SORCS1: variants seen among roughly 807,000 people sequenced by gnomAD.
SORCS1 encodes VPS10 domain-containing receptor SorCS1.
Under a neutral mutation model 146.1 loss-of-function variants are expected in SORCS1, and 60 were observed. The ratio of observed to expected loss-of-function variants is 0.41; its 90% CI spans 0.33 to 0.51. SORCS1 has a LOEUF of 0.51. Ranked by LOEUF, SORCS1 falls within the 20% of genes least tolerant of loss-of-function variation. The probability of loss-of-function intolerance (pLI) is 0.21; values close to 1 mark genes in which losing one functional copy is unlikely to be tolerated. For synonymous variants in SORCS1, 637 were observed against 584.0 expected (o/e 1.09, Z -1.31); for missense variants, 1,352 against 1,487.6 (o/e 0.91, Z 1.50).
chr10:106,802,380 G>A (rs1260385021), intron 3 of SORCS1, among the ~76,000 whole-genome samples: 1 of 152,156 alleles, frequency 6.6e-6, no homozygotes, highest in Non-Finnish European at 1.5e-5. Context: ...CACCCAGGCT[G>A]GAGTGCAGTG....
chr10:107,110,024 T>C (rs1965586744), intron 1 of SORCS1, among the ~76,000 whole-genome samples: 1 of 152,164 alleles, frequency 6.6e-6, no homozygotes, highest in Non-Finnish European at 1.5e-5. Flanking sequence ...GTTCAGTTTC[T>C]TTGCTTCAGT....
intron 13 of SORCS1, 91 bp downstream of exon 13, chr10:106,677,222 A>T (rs1367276657): frequency 1.5e-5 from 18 of 1,224,326 alleles, no homozygotes; most frequent in Non-Finnish European, 2.1e-5. Flanking sequence ...TTACTACAGA[A>T]ACAGACACGG....
chr10:106,971,354 TC>T, intron 1 of SORCS1, among the ~76,000 whole-genome samples: 1 of 152,192 alleles, frequency 6.6e-6, no homozygotes. Context: ...TATTTGTGGA[TC>T]GTCTGACTGA....
intron 1 of SORCS1, among the ~76,000 whole-genome samples, chr10:107,031,319 A>AT (rs60052529): frequency 0.12 from 18,311 of 151,430 alleles, 3,442 homozygotes; most frequent in African/African-American, 0.4. Context: ...CCCTTGCCAG[A>AT]TTTTTTTTTC....
intron 1 of SORCS1, among the ~76,000 whole-genome samples, chr10:106,971,783 T>G (rs113274859): frequency 1.8e-4 from 28 of 152,368 alleles, no homozygotes; most frequent in African/African-American, 6.5e-4. Context: ...TCTGTCAGTT[T>G]CTTCTATCTA....
chr10:106,631,965 G>A (rs1487849032), intron 18 of SORCS1, among the ~76,000 whole-genome samples: 1 of 152,130 alleles, frequency 6.6e-6, no homozygotes, highest in Non-Finnish European at 1.5e-5. Flanking sequence ...TGCTCTCTGT[G>A]TATATAATGG....
chr10:106,608,261 G>T (rs942096560), intron 22 of SORCS1, among the ~76,000 whole-genome samples: 4 of 152,196 alleles, frequency 2.6e-5, no homozygotes, highest in Admixed American at 2.0e-4. Flanking sequence ...TTACGCTTTT[G>T]CCAAATGGGA....
chr10:107,028,712 A>G (rs921757405), intron 1 of SORCS1, among the ~76,000 whole-genome samples: 24 of 152,314 alleles, frequency 1.6e-4, no homozygotes, highest in Non-Finnish European at 1.0e-4. Flanking sequence ...CCAACCATGG[A>G]AACAGTGTTT....
chr10:107,168,967 T>C (rs1283124232), upstream of SORCS1, among the ~76,000 whole-genome samples: 3 of 152,186 alleles, frequency 2.0e-5, no homozygotes, highest in African/African-American at 7.2e-5. Context: ...TGTGCACTTT[T>C]TTTAGGCTGA....
At chr10:106,769,484 C>CAA (rs61628916) in intron 4 of SORCS1, among the ~76,000 whole-genome samples, 911 of 84,316 alleles carry the variant, frequency 0.011, 19 homozygotes, top group African/African-American at 0.04. Flanking sequence ...GACTCCGTCT[C>CAA]AAAAAAAAAA....
At chr10:107,049,160 G>T (rs1195094206) in intron 1 of SORCS1, among the ~76,000 whole-genome samples, 2 of 149,848 alleles carry the variant, frequency 1.3e-5, no homozygotes, top group African/African-American at 2.5e-5. Context: ...GTAAACTATC[G>T]CAAGGACAAA....
At chr10:107,130,640 A>T (rs922702820) in intron 1 of SORCS1, among the ~76,000 whole-genome samples, 1 of 152,128 alleles carries the variant, frequency 6.6e-6, no homozygotes, top group Non-Finnish European at 1.5e-5. Context: ...TTAGAATCTA[A>T]CATCTTTTGT....
intron 18 of SORCS1, among the ~76,000 whole-genome samples, chr10:106,639,953 G>T (rs1848961966): frequency 6.6e-6 from 1 of 152,036 alleles, no homozygotes; most frequent in Non-Finnish European, 1.5e-5. Flanking sequence ...AGGAGGTGGA[G>T]GTCGCAGTGA....
At chr10:106,852,453 C>A (rs12267954) in intron 2 of SORCS1, among the ~76,000 whole-genome samples, 1 of 151,718 alleles carries the variant, frequency 6.6e-6, no homozygotes, top group Non-Finnish European at 1.5e-5. Context: ...CATGGTGAAA[C>A]CCTGTCTCTA....
chr10:107,039,868 G>C (rs1325800906), intron 1 of SORCS1, among the ~76,000 whole-genome samples: 1 of 152,130 alleles, frequency 6.6e-6, no homozygotes, highest in Non-Finnish European at 1.5e-5. Context: ...TCAACACTTT[G>C]GGAGGCTGAA....
chr10:107,093,349 C>T (rs1590119560), intron 1 of SORCS1, among the ~76,000 whole-genome samples: 1 of 152,198 alleles, frequency 6.6e-6, no homozygotes, highest in Non-Finnish European at 1.5e-5. Flanking sequence ...CTCCCCTTCA[C>T]TCTATTCTCA....
At chr10:107,074,227 C>T (rs1962688463) in intron 1 of SORCS1, among the ~76,000 whole-genome samples, 1 of 152,182 alleles carries the variant, frequency 6.6e-6, no homozygotes, top group Non-Finnish European at 1.5e-5. Context: ...CGGGCAACCA[C>T]TCATCTTTTT....
intron 3 of SORCS1, among the ~76,000 whole-genome samples, chr10:106,805,796 C>T (rs984884168): frequency 3.3e-5 from 5 of 151,910 alleles, no homozygotes; most frequent in African/African-American, 7.3e-5. Context: ...TGGTGGCTCA[C>T]GCCTGTAATC....
intron 10 of SORCS1, among the ~76,000 whole-genome samples, chr10:106,686,425 T>C (rs1852844977): frequency 6.6e-6 from 1 of 152,196 alleles, no homozygotes; most frequent in South Asian, 2.1e-4. Flanking sequence ...TAATTATCTC[T>C]CATAGGCATT....
Sources: gnomAD v4.1 joint callset for allele counts (sites outside exome capture counted in the v4.1 genomes callset) on GRCh38, gnomAD v4.1.1 for gene constraint, MANE v1.5 for transcripts, NCBI Gene and HGNC (gene_info 2026-07-23, HGNC 2026-07-21) for gene names.